The following MYH14 variants were observed in gnomAD, a reference collection of about 807,000 sequenced individuals.
MYH14 encodes the protein myosin-14.
Under a neutral mutation model 255.5 loss-of-function variants are expected in MYH14, and 123 were observed. The ratio of observed to expected loss-of-function variants is 0.48; its 90% CI spans 0.42 to 0.56. MYH14 has a LOEUF of 0.56. Ranked by LOEUF, MYH14 falls within the 20% of genes least tolerant of loss-of-function variation. The pLI, the probability that MYH14 is intolerant of heterozygous loss-of-function variation, is 0.00. For missense variants in MYH14, 2,423 were observed against 2,802.3 expected, an observed-to-expected ratio of 0.86 and a Z score of 3.06; for synonymous variants, 1,095 against 1,161.2, an observed-to-expected ratio of 0.94 and a Z score of 1.16.
intron 2 of MYH14, 52 bp from the exon 3 acceptor site, chr19:50,217,563 T>C: frequency 6.2e-7 from 1 of 1,613,028 alleles, no homozygotes; most frequent in Non-Finnish European, 8.5e-7. Flanking sequence ...CCATGACGCC[T>C]TTCAGGCCGT....
chr19:50,254,509 G>A (rs891429290), intron 16 of MYH14, among the ~76,000 whole-genome samples: 3 of 152,154 alleles, frequency 2.0e-5, no homozygotes, highest in African/African-American at 7.2e-5. Flanking sequence ...TCTCCACAGT[G>A]AGCCCTCATT....
chr19:50,297,491 C>CTTTTTTTTTTTTTTTTT (rs869049808), intron 39 of MYH14, among the ~76,000 whole-genome samples: 1 of 74,324 alleles, frequency 1.3e-5, no homozygotes, highest in Non-Finnish European at 2.4e-5. Context: ...CTCATCTCCT[C>CTTTTTTTTTTTTTTTTT]TTTTTTTTTT....
At chr19:50,225,766 A>C (rs1315088207) in intron 7 of MYH14, 89 bp downstream of exon 7, 2 of 815,492 alleles carry the variant, frequency 2.5e-6, no homozygotes, top group Non-Finnish European at 1.9e-6. Context: ...AGACACGTGG[A>C]TCTGTTGAGG....
chr19:50,291,275 AT>A (rs1281921361), intron 36 of MYH14, among the ~76,000 whole-genome samples: 1 of 146,196 alleles, frequency 6.8e-6, no homozygotes, highest in African/African-American at 2.5e-5. Flanking sequence ...AAATTTCCTC[AT>A]TTTTTTGTTT....
Position 50,224,980 on chromosome 19 carries a change from C to T in MYH14, c.718-605C>T, listed in dbSNP as rs182162628. Among the ~76,000 whole-genome samples, 28 of 152,194 alleles carry T rather than the reference C, an allele frequency of 1.8e-4. No individual in the cohort carries two copies. In the East Asian group the frequency reaches 4.8e-3, roughly 26 times the overall value. On this transcript the variant is annotated intron_variant, in intron 6 of 42. Transcript: ENST00000642316. The stretch of plus-strand genomic sequence containing the variant: ...AAGTAGCTGGGCATGGTGGTGCTTG[C>T]CTGTAGTCCCAGCTACTCAGGAGGC...
intron 1 of MYH14, among the ~76,000 whole-genome samples, chr19:50,207,694 C>A (rs915092139): frequency 6.6e-6 from 1 of 152,144 alleles, no homozygotes; most frequent in Non-Finnish European, 1.5e-5. Context: ...CAGTGAGATT[C>A]GAGTCTATTC....
intron 39 of MYH14, among the ~76,000 whole-genome samples, chr19:50,297,530 T>G (rs544119210): frequency 1.7e-4 from 22 of 128,450 alleles, no homozygotes; most frequent in African/African-American, 6.1e-4. Context: ...AGAGTCTCGC[T>G]CTTGTCGCCT....
At chr19:50,260,754 T>C (rs1485215166) in intron 20 of MYH14, 39 bp downstream of exon 20, 8 of 1,466,580 alleles carry the variant, frequency 5.5e-6, no homozygotes, top group Non-Finnish European at 7.5e-6. Context: ...TGTGCGTGTG[T>C]GTGTGTGCGT....
At chr19:50,225,784 G>A (rs2033063076) in intron 7 of MYH14, 107 bp downstream of exon 7, 11 of 843,090 alleles carry the variant, frequency 1.3e-5, no homozygotes, top group Non-Finnish European at 1.9e-5. Flanking sequence ...AGGGAGGAGG[G>A]GCTGGGGGTC....
At chr19:50,224,310 C>A in intron 6 of MYH14, 133 bp downstream of exon 6, 1 of 1,193,326 alleles carries the variant, frequency 8.4e-7, no homozygotes, top group Non-Finnish European at 1.3e-6. Flanking sequence ...TGCCCCACCA[C>A]TGCTATTCAT....
intron 10 of MYH14, among the ~76,000 whole-genome samples, chr19:50,232,593 C>CAAAAAAAAAAAAAA: frequency 1.6e-5 from 1 of 63,708 alleles, no homozygotes; most frequent in Non-Finnish European, 2.7e-5. Flanking sequence ...GACTCTGTCT[C>CAAAAAAAAAAAAAA]AAAAAAAAAA....
intron 11 of MYH14, among the ~76,000 whole-genome samples, chr19:50,245,021 T>C (rs1029715780): frequency 1.7e-4 from 26 of 152,176 alleles, no homozygotes; most frequent in African/African-American, 5.8e-4. Flanking sequence ...AACAGAATTA[T>C]AGTCAATATC....
intron 21 of MYH14, among the ~76,000 whole-genome samples, chr19:50,262,314 T>C (rs145613807): frequency 2.2e-4 from 34 of 151,998 alleles, no homozygotes; most frequent in African/African-American, 7.7e-4. Flanking sequence ...TCCCAGCACA[T>C]TGGGAGGCCA....
chr19:50,260,676 C>T lies in MYH14; in HGVS notation c.2385C>T (p.Pro795=), dbSNP rs2123347199. The change falls in exon 20 of 43, where the codon CCC becomes CCT. Residue 795 remains proline (P), a synonymous_variant. Coordinates refer to ENST00000642316, the MANE Select transcript of MYH14 (RefSeq NM_001145809.2). The stretch of plus-strand genomic sequence containing the variant: ...AGATCCTGACACCCAATGCCATCCC[C>T]AAGGGCTTCATGGATGGGAAGCAGG... ...RYEILTPNAI[P]KGFMDGKQAC... The T allele has an allele frequency of 6.2e-7, 1 of 1,613,510 alleles. No individual in the cohort carries two copies. The highest frequency in any genetic ancestry group is 2.2e-5 in the East Asian group (1 of 44,856).
In MYH14 at chr19:50,247,765, A is replaced by G. The variant is rs2034188711; in HGVS notation, c.1329+643A>G. Among the ~76,000 whole-genome samples the G allele has an allele frequency of 2.6e-5, 4 of 151,832 alleles. No homozygotes were observed. The South Asian group carries it at 8.3e-4, about 32-fold the overall frequency. ...GTGGAGCAGGCTTGGGGAGTTGGGA[A>G]CATTAAGCAGGTCAGTGAGGCCGGG... On this transcript the variant is annotated intron_variant, in intron 12 of 42. Transcript: ENST00000642316.
intron 39 of MYH14, among the ~76,000 whole-genome samples, chr19:50,301,318 G>C (rs1490252088): frequency 6.6e-6 from 1 of 152,044 alleles, no homozygotes; most frequent in Non-Finnish European, 1.5e-5. Flanking sequence ...AGATGATCCT[G>C]GTGCAAACAA....
rs2036806314 is a variant in MYH14, at chr19:50,310,045, T to C, written c.*255T>C. ...TTGCTTGTTGGGGGACTGGGTACAG[T>C]TGGCAAGCTGTGTTTCCATCAGCTC... is the stretch of plus-strand genomic sequence containing the variant. On this transcript the variant is annotated 3_prime_UTR_variant, in exon 43 of 43. Transcript: ENST00000642316. 4 of 589,758 alleles carry C rather than the reference T, an allele frequency of 6.8e-6. No individual in the cohort carries two copies. Among genetic ancestry groups the C allele is most frequent in the Middle Eastern group, 2.9e-4 (1 of 3,414 alleles). 36.5% of individuals were successfully genotyped at this position (589,758 alleles called of 1,614,324 possible).
chr19:50,292,203 G>A, intron 36 of MYH14, 58 bp from the exon 37 acceptor site: 1 of 1,501,842 alleles, frequency 6.7e-7, no homozygotes, highest in Non-Finnish European at 8.9e-7. Flanking sequence ...AGGGGGTGGA[G>A]GAGTTCCCTG....
chr19:50,270,985 C>T (rs1030284774), intron 24 of MYH14, among the ~76,000 whole-genome samples: 8 of 152,198 alleles, frequency 5.3e-5, no homozygotes, highest in African/African-American at 1.4e-4. Flanking sequence ...TGAGCCACTG[C>T]GCCTGACCTA....
Sources: allele counts gnomAD v4.1 joint callset (sites outside exome capture counted in the v4.1 genomes callset), GRCh38; gene constraint gnomAD v4.1.1; transcripts MANE v1.5; gene names NCBI Gene and HGNC (gene_info 2026-07-23, HGNC 2026-07-21).